The following GTF2H5 variants were observed in gnomAD, a reference collection of about 807,000 sequenced individuals.
The protein encoded by GTF2H5 is TFB5 ortholog.
GTF2H5 carries 5 observed loss-of-function variants against 7.1 expected under a neutral mutation model. The ratio of observed to expected loss-of-function variants is 0.71; its 90% CI spans 0.37 to 1.49. The LOEUF is 1.49. Ranked by LOEUF, GTF2H5 falls within the 40% of genes most tolerant of loss-of-function variation. GTF2H5 has a pLI of 0.03. For synonymous variants in GTF2H5, 30 were observed against 31.7 expected, an observed-to-expected ratio of 0.95 and a Z score of 0.18; for missense variants, 80 against 83.0, an observed-to-expected ratio of 0.96 and a Z score of 0.14.
At chr6:158,177,856 T>C (rs984132376) in intron 2 of GTF2H5, among the ~76,000 whole-genome samples, 22 of 152,254 alleles carry the variant, frequency 1.4e-4, no homozygotes, top group African/African-American at 4.3e-4. Flanking sequence ...TTGCTGAAAA[T>C]GATGGTTTCC....
chr6:158,178,006 T>C (rs1785955727), intron 2 of GTF2H5, among the ~76,000 whole-genome samples: 1 of 152,218 alleles, frequency 6.6e-6, no homozygotes, highest in Non-Finnish European at 1.5e-5. Context: ...GTCTTAGCTA[T>C]TGTGAATAGT....
chr6:158,185,849 C>A (rs1320678438), intron 2 of GTF2H5, among the ~76,000 whole-genome samples: 2 of 151,982 alleles, frequency 1.3e-5, no homozygotes, highest in Admixed American at 6.6e-5. Flanking sequence ...CAAAAAAAAT[C>A]TGGGTGCAGT....
intron 2 of GTF2H5, among the ~76,000 whole-genome samples, chr6:158,172,137 G>T (rs910345453): frequency 3.3e-5 from 5 of 151,758 alleles, no homozygotes; most frequent in African/African-American, 4.8e-5. Flanking sequence ...AGGGTTTTGT[G>T]TTTTTCTTGG....
At chr6:158,188,217 A>C (rs889218242) in intron 2 of GTF2H5, among the ~76,000 whole-genome samples, 1 of 152,146 alleles carries the variant, frequency 6.6e-6, no homozygotes, top group East Asian at 1.9e-4. Flanking sequence ...TAGAGCACTG[A>C]AGTCCAGGTT....
intron 2 of GTF2H5, among the ~76,000 whole-genome samples, chr6:158,173,010 A>C (rs1470133688): frequency 6.6e-6 from 1 of 152,190 alleles, no homozygotes; most frequent in Non-Finnish European, 1.5e-5. Context: ...GGTAATCCCC[A>C]GACTAGCAGT....
chr6:158,169,732 T>A (rs1255989109), intron 1 of GTF2H5, among the ~76,000 whole-genome samples: 2 of 83,794 alleles, frequency 2.4e-5, no homozygotes, highest in Non-Finnish European at 2.2e-5. Context: ...TATAATATAT[T>A]GTATATTATA....
At chr6:158,188,886 A>C (rs1405976556) in intron 2 of GTF2H5, among the ~76,000 whole-genome samples, 1 of 151,294 alleles carries the variant, frequency 6.6e-6, no homozygotes, top group Non-Finnish European at 1.5e-5. Context: ...CTCCCAAGCT[A>C]TCTCTGTCTC....
chr6:158,175,047 T>TATAC (rs1361855333), intron 2 of GTF2H5, among the ~76,000 whole-genome samples: 13 of 150,482 alleles, frequency 8.6e-5, no homozygotes, highest in African/African-American at 1.5e-4. Flanking sequence ...TGTGTGTGTA[T>TATAC]ACACACACAC....
intron 2 of GTF2H5, among the ~76,000 whole-genome samples, chr6:158,179,598 A>G (rs1447568696): frequency 6.6e-6 from 1 of 152,166 alleles, no homozygotes; most frequent in Non-Finnish European, 1.5e-5. Context: ...TTCTGTTAGT[A>G]GCAATTGTGA....
At chr6:158,185,585 T>C (rs543439259) in intron 2 of GTF2H5, among the ~76,000 whole-genome samples, 2 of 150,824 alleles carry the variant, frequency 1.3e-5, no homozygotes, top group East Asian at 1.9e-4. Flanking sequence ...TATTAAAGCG[T>C]TATTTCAGTG....
At chr6:158,173,820 G>A (rs923719799) in intron 2 of GTF2H5, among the ~76,000 whole-genome samples, 2 of 152,174 alleles carry the variant, frequency 1.3e-5, no homozygotes, top group Non-Finnish European at 2.9e-5. Context: ...AAGCAGGCGG[G>A]CCTGCTAACT....
At chr6:158,169,652 T>TATGTAATATATTGTATATTGTATA (rs1785777409) in intron 1 of GTF2H5, among the ~76,000 whole-genome samples, 1 of 53,322 alleles carries the variant, frequency 1.9e-5, no homozygotes, top group African/African-American at 1.4e-4. Flanking sequence ...TATTGTATAT[T>TATGTAATATATTGTATATTGTATA]ACATATAATA....
intron 2 of GTF2H5, among the ~76,000 whole-genome samples, chr6:158,183,941 A>T (rs1039911435): frequency 2.0e-5 from 3 of 152,186 alleles, no homozygotes; most frequent in Non-Finnish European, 4.4e-5. Context: ...GAGATGAACC[A>T]GGTACCTCAG....
chr6:158,180,133 G>A lies in GTF2H5; in HGVS notation c.35+9595G>A, dbSNP rs182202055. 9.9e-5 allele frequency among the ~76,000 whole-genome samples: 15 copies of A among 152,170 alleles called. No individual in the cohort carries two copies. In the East Asian group the frequency reaches 1.4e-3, roughly 14 times the overall value. Reference sequence around the variant, plus strand: ...CTTTTCCGCATCTTTTGAGATAATCGTGGTTTTTGTCATTGGTTCTGTTTA... The same window carrying A: ...CTTTTCCGCATCTTTTGAGATAATCATGGTTTTTGTCATTGGTTCTGTTTA... On this transcript the variant is annotated intron_variant, in intron 2 of 2. Coordinates refer to ENST00000607778, the MANE Select transcript of GTF2H5 (RefSeq NM_207118.3).
chr6:158,191,954 C>G (rs776946388), intron 2 of GTF2H5, 23 bp from the exon 3 acceptor site: 1 of 1,598,084 alleles, frequency 6.3e-7, no homozygotes, highest in Non-Finnish European at 8.6e-7. Context: ...AGCTGTCTTA[C>G]AATCATGTGT....
intron 2 of GTF2H5, among the ~76,000 whole-genome samples, chr6:158,186,045 TGAG>T (rs1316750068): frequency 2.0e-5 from 3 of 152,142 alleles, no homozygotes; most frequent in Admixed American, 6.5e-5. Flanking sequence ...TTAATTTATT[TGAG>T]GAGAAGAGGA....
chr6:158,179,909 T>TTC (rs1785984271), intron 2 of GTF2H5, among the ~76,000 whole-genome samples: 1 of 152,170 alleles, frequency 6.6e-6, no homozygotes, highest in South Asian at 2.1e-4. Context: ...CATCCTTGTC[T>TTC]TGTGCCGGTT....
chr6:158,169,555 A>G (rs1481660754), intron 1 of GTF2H5, among the ~76,000 whole-genome samples: 2 of 91,182 alleles, frequency 2.2e-5, no homozygotes, highest in Non-Finnish European at 3.8e-5. Flanking sequence ...TATACTGTAT[A>G]TTATATATAA....
chr6:158,192,108 G>T lies in GTF2H5; in HGVS notation c.167G>T (p.Arg56Leu). The T allele has an allele frequency of 6.8e-6, 11 of 1,613,780 alleles. No individual in the cohort carries two copies. Among genetic ancestry groups the T allele is most frequent in the Non-Finnish European group, 9.3e-6 (11 of 1,179,920 alleles). ...IAELVNVLQE[R>L]VGELMDQNAF... ...GAATTGGTTAATGTCCTCCAGGAGC[G>T]AGTGGGTGAATTAATGGACCAAAAT... Residue 56 changes from arginine to leucine, a missense_variant, in exon 3 of 3, where the codon CGA becomes CTA. Physicochemically the swap from Arg to Leu is moderately radical, Grantham distance 102. Coordinates refer to ENST00000607778, the MANE Select transcript of GTF2H5 (RefSeq NM_207118.3).
Sources: gnomAD v4.1 joint callset for allele counts (sites outside exome capture counted in the v4.1 genomes callset) on GRCh38, gnomAD v4.1.1 for gene constraint, MANE v1.5 for transcripts, NCBI Gene and HGNC (gene_info 2026-07-23, HGNC 2026-07-21) for gene names.